PIEZO2: variants seen among roughly 807,000 people sequenced by gnomAD.
PIEZO2 encodes piezo-type mechanosensitive ion channel component 2.
PIEZO2 carries 172 observed loss-of-function variants against 337.3 expected under a neutral mutation model. The observed-to-expected ratio is 0.51, with a 90% CI of 0.45 to 0.58. PIEZO2 has a LOEUF of 0.58. Ranked by LOEUF, PIEZO2 falls within the 20% of genes least tolerant of loss-of-function variation. The pLI, the probability that PIEZO2 is intolerant of heterozygous loss-of-function variation, is 0.00. For missense variants in PIEZO2, 3,028 were observed against 3,391.3 expected, an observed-to-expected ratio of 0.89 and a Z score of 2.66; for synonymous variants, 1,251 against 1,228.5, an observed-to-expected ratio of 1.02 and a Z score of -0.38.
chr18:10,851,451 G>A (rs2041550083), intron 7 of PIEZO2, among the ~76,000 whole-genome samples: 1 of 152,048 alleles, frequency 6.6e-6, no homozygotes, highest in South Asian at 2.1e-4. Flanking sequence ...CTTTTAAACT[G>A]TTAAGGGGAT....
At chr18:11,123,741 C>T (rs1025693055) in intron 1 of PIEZO2, among the ~76,000 whole-genome samples, 7 of 151,538 alleles carry the variant, frequency 4.6e-5, no homozygotes, top group African/African-American at 9.7e-5. Flanking sequence ...ACCCGGGAGG[C>T]GGAGCTTGCA....
intron 41 of PIEZO2, 87 bp downstream of exon 41, chr18:10,705,249 T>A (rs1417824690): frequency 5.0e-6 from 7 of 1,407,262 alleles, no homozygotes; most frequent in Non-Finnish European, 5.6e-6. Flanking sequence ...TTTTTCTATA[T>A]ATGAATTTTT....
chr18:10,998,861 C>CAAAAAAAAAAAA (rs10544415), intron 2 of PIEZO2, among the ~76,000 whole-genome samples: 2 of 118,820 alleles, frequency 1.7e-5, no homozygotes, highest in African/African-American at 3.0e-5. Context: ...TCAAATACAG[C>CAAAAAAAAAAAA]AAAAAAAAAA....
chr18:10,851,489 A>G lies in PIEZO2; in HGVS notation c.917+3864T>C, dbSNP rs146439076. On this transcript the variant is annotated intron_variant, in intron 7 of 55. Transcript: ENST00000674853. ...TGTACCGAAATGTCTGTAATAAATT[A>G]TAATTTTACTTTTATGACAATTCAA... is the stretch of plus-strand genomic sequence containing the variant. Among the ~76,000 whole-genome samples the G allele has an allele frequency of 2.3e-4, 35 of 152,278 alleles. No individual in the cohort carries two copies. In the East Asian group the frequency reaches 6.6e-3, roughly 29 times the overall value.
rs188623095 is a variant in PIEZO2, at chr18:11,017,669, C to T, written c.161-38009G>A. 3.3e-5 allele frequency among the ~76,000 whole-genome samples: 5 copies of T among 152,304 alleles called. No homozygotes were observed. The East Asian group carries it at 9.6e-4, about 29-fold the overall frequency. ...TATAAAAGAAATCGTATGCCAAAAA[C>T]AGGCATGCTCTTCCCTCTGCCTGGA... On this transcript the variant is annotated intron_variant, in intron 2 of 55. Transcript: ENST00000674853.
Position 10,718,167 on chromosome 18 carries a change from T to G in PIEZO2, c.5089+33A>C, listed in dbSNP as rs542633607. 910 of 1,514,532 alleles carry G rather than the reference T, an allele frequency of 6.0e-4. 4 individuals are homozygous for G. In the African/African-American group the frequency reaches 0.012, roughly 20 times the overall value. The allele number at this position is 1,514,532 out of a possible 1,614,324, so 93.8% of individuals were successfully genotyped here. A position where few individuals can be genotyped will look rare whatever the true frequency, so the allele number is the denominator to read the frequency against. Reference sequence around the variant, plus strand: ...TCTGGGCAGGTATCATTTTCAAAGTTCCCACAGCTCATATTTGTCTTTATT... The same window carrying G: ...TCTGGGCAGGTATCATTTTCAAAGTGCCCACAGCTCATATTTGTCTTTATT... On this transcript the variant is annotated intron_variant, in intron 37 of 55. Coordinates refer to ENST00000674853, the MANE Select transcript of PIEZO2 (RefSeq NM_001378183.1).
intron 7 of PIEZO2, among the ~76,000 whole-genome samples, chr18:10,814,988 G>A (rs2040319429): frequency 6.6e-6 from 1 of 152,172 alleles, no homozygotes; most frequent in Non-Finnish European, 1.5e-5. Flanking sequence ...CCCATCGATG[G>A]TCCCTGGGGA....
Position 11,127,953 on chromosome 18 carries a change from T to TTAC in PIEZO2, c.64+20571_64+20572insGTA, listed in dbSNP as rs1250443038. ...TTTTGGGGTTTCTGGAGTTGGCTGC[T>TTAC]TAGTATGATTAGACCTGAAAATGCT... On this transcript the variant is annotated intron_variant, in intron 1 of 55. Transcript: ENST00000674853. This position sits in a 1 kb window ranked among gnomAD's most constrained non-coding sequence, Gnocchi z 4.5. Among the ~76,000 whole-genome samples, 1 of 151,832 alleles carries TTAC rather than the reference T, an allele frequency of 6.6e-6. No individual in the cohort carries two copies. The highest frequency in any genetic ancestry group is 2.4e-5 in the African/African-American group (1 of 41,332).
At chr18:10,720,383 GTGTGTGTGTGTGTGTGTGTGTA>G (rs1405898020) in intron 36 of PIEZO2, among the ~76,000 whole-genome samples, 1 of 33,998 alleles carries the variant, frequency 2.9e-5, no homozygotes, top group Non-Finnish European at 6.2e-5. Context: ...GTGTGTGTGT[GTGTGTGTGTGTGTGTGTGTGTA>G]TGTGTATGTG....
At chr18:11,034,095 G>A (rs1411308828) in intron 2 of PIEZO2, among the ~76,000 whole-genome samples, 4 of 152,156 alleles carry the variant, frequency 2.6e-5, no homozygotes, top group Admixed American at 2.6e-4. Context: ...ATTCCCAAGG[G>A]ACGCTAGTGC....
rs200374446 is a variant in PIEZO2, at chr18:10,824,661, G to GT, written c.918-17388dup. On this transcript the variant is annotated intron_variant, in intron 7 of 55. Transcript: ENST00000674853. The surrounding 1 kb of genome is among the most constrained non-coding windows in gnomAD (Gnocchi z 4.4). The stretch of plus-strand genomic sequence containing the variant: ...ACAAGTTCCAAGATATATTTCAAGT[G>GT]TTTTTTTAAATTTTAGAACAATTTT... Among the ~76,000 whole-genome samples the GT allele has an allele frequency of 6.6e-5, 10 of 151,994 alleles. No homozygotes were observed. The highest frequency in any genetic ancestry group is 1.0e-4 in the Non-Finnish European group (7 of 67,942).
intron 2 of PIEZO2, among the ~76,000 whole-genome samples, chr18:11,057,621 G>A (rs928630256): frequency 4.6e-5 from 7 of 152,168 alleles, no homozygotes; most frequent in Non-Finnish European, 8.8e-5. Flanking sequence ...TCCCAGGGCC[G>A]CAGATAGCTC....
In PIEZO2 at chr18:10,704,224, T is replaced by A. The variant is rs4797464; in HGVS notation, c.6258+170A>T. The A allele has an allele frequency of 0.23, 213,290 of 916,224 alleles. 25,356 individuals carry two copies. The highest frequency in any genetic ancestry group is 0.28 in the South Asian group (15,540 of 55,948). 56.8% of individuals were successfully genotyped at this position (916,224 alleles called of 1,614,324 possible). ...TAGAATTGCGAGTGCTAGGTAACTG[T>A]TGCTGCTGACGATTTGTGTATCTAA... On this transcript the variant is annotated intron_variant, in intron 42 of 55. Coordinates refer to ENST00000674853, the MANE Select transcript of PIEZO2 (RefSeq NM_001378183.1).
At chr18:10,885,795 T>C (rs555316809) in intron 4 of PIEZO2, among the ~76,000 whole-genome samples, 14 of 152,238 alleles carry the variant, frequency 9.2e-5, no homozygotes, top group South Asian at 4.1e-4. Context: ...TCCTAAGAAT[T>C]TGAGAGTAAA....
At chr18:10,739,456 G>GAGGAA (rs2037131882) in intron 33 of PIEZO2, 1 of 152,192 alleles carries the variant, frequency 6.6e-6, no homozygotes, top group Admixed American at 6.5e-5. Context: ...ATTTTTACAT[G>GAGGAA]AGGAAAGGAA....
At chr18:10,787,282 T>C (rs2039257836) in intron 15 of PIEZO2, 98 bp from the exon 16 acceptor site, 2 of 1,124,370 alleles carry the variant, frequency 1.8e-6, no homozygotes, top group South Asian at 3.3e-5. Context: ...AAGTGATACA[T>C]TTACAAGTGT....
At chr18:10,975,494 G>A (rs1449603233) in intron 3 of PIEZO2, among the ~76,000 whole-genome samples, 1 of 152,042 alleles carries the variant, frequency 6.6e-6, no homozygotes, top group Non-Finnish European at 1.5e-5. Flanking sequence ...AAAAAAGGCA[G>A]AAGGGAGTGT....
chr18:10,774,779 C>T (rs1413979877), intron 18 of PIEZO2, among the ~76,000 whole-genome samples: 1 of 152,128 alleles, frequency 6.6e-6, no homozygotes, highest in Non-Finnish European at 1.5e-5. Flanking sequence ...AGTAGACATA[C>T]TGATAGTCTT....
chr18:11,124,560 A>G (rs1568394695), intron 1 of PIEZO2, among the ~76,000 whole-genome samples: 1 of 152,146 alleles, frequency 6.6e-6, no homozygotes, highest in Non-Finnish European at 1.5e-5. Flanking sequence ...GGGTTTCCCA[A>G]ACCAGATAGT....
Sources: allele counts gnomAD v4.1 joint callset (sites outside exome capture counted in the v4.1 genomes callset), GRCh38; gene constraint gnomAD v4.1.1; non-coding constraint Gnocchi (gnomAD v3.1); transcripts MANE v1.5; gene names NCBI Gene and HGNC (gene_info 2026-07-23, HGNC 2026-07-21).